SUPT3H: variants seen among roughly 807,000 people sequenced by gnomAD.
The protein encoded by SUPT3H is SPT3 homolog, SAGA and STAGA complex component, also known as transcription initiation protein SPT3 homolog.
A neutral mutation model predicts 44.3 loss-of-function variants in SUPT3H; 44 were observed. The observed-to-expected ratio is 0.99, with a 90% confidence interval of 0.78 to 1.28. SUPT3H has a LOEUF of 1.28. Ranked by LOEUF, SUPT3H falls within the 50% of genes most tolerant of loss-of-function variation. The pLI, the probability that SUPT3H is intolerant of heterozygous loss-of-function variation, is 0.00. For synonymous variants in SUPT3H, 124 were observed against 125.6 expected (o/e 0.99, Z 0.09); for missense variants, 380 against 387.1 (o/e 0.98, Z 0.15).
chr6:45,199,855 T>C (rs1008044820), intron 2 of SUPT3H, among the ~76,000 whole-genome samples: 1 of 151,508 alleles, frequency 6.6e-6, no homozygotes, highest in African/African-American at 2.4e-5. Flanking sequence ...TTTTCAAAGA[T>C]TAGTTAAACA....
intron 2 of SUPT3H, among the ~76,000 whole-genome samples, chr6:45,243,780 CA>C (rs1770830215): frequency 6.6e-6 from 1 of 152,196 alleles, no homozygotes; most frequent in Non-Finnish European, 1.5e-5. Context: ...TTCTGAATTA[CA>C]AAGAGCAGTT....
chr6:45,324,763 T>C (rs1314171089), intron 2 of SUPT3H, among the ~76,000 whole-genome samples: 1 of 152,010 alleles, frequency 6.6e-6, no homozygotes, highest in Non-Finnish European at 1.5e-5. Context: ...GAAATGGTGC[T>C]AGTTTGGGTT....
At chr6:44,958,641 T>C (rs1430777147) in intron 7 of SUPT3H, among the ~76,000 whole-genome samples, 3 of 152,058 alleles carry the variant, frequency 2.0e-5, no homozygotes, top group Non-Finnish European at 2.9e-5. Context: ...ACATACATAA[T>C]AAGTAGACTG....
intron 2 of SUPT3H, among the ~76,000 whole-genome samples, chr6:45,286,420 A>G (rs1779285091): frequency 6.6e-6 from 1 of 152,186 alleles, no homozygotes. Context: ...CCCCATCAAA[A>G]AGTGGGCAAA....
chr6:45,341,422 G>A (rs1789749687), intron 2 of SUPT3H, among the ~76,000 whole-genome samples: 2 of 152,208 alleles, frequency 1.3e-5, no homozygotes, highest in East Asian at 1.9e-4. Flanking sequence ...AACTTGATAG[G>A]TAATATTTTA....
At chr6:44,893,671 G>A (rs1234173288) in intron 10 of SUPT3H, among the ~76,000 whole-genome samples, 4 of 150,452 alleles carry the variant, frequency 2.7e-5, no homozygotes, top group East Asian at 1.9e-4. Context: ...GAATAATGCC[G>A]CAATAAACAT....
intron 1 of SUPT3H, among the ~76,000 whole-genome samples, chr6:45,367,031 A>G (rs1293440289): frequency 1.3e-5 from 2 of 152,210 alleles, no homozygotes; most frequent in East Asian, 3.8e-4. Context: ...GCTGAGATGG[A>G]AGGGCTGGGC....
At chr6:45,103,407 C>A (rs1284992) in intron 3 of SUPT3H, among the ~76,000 whole-genome samples, 97,497 of 151,906 alleles carry the variant, frequency 0.64, 32,011 homozygotes, top group African/African-American at 0.79. Flanking sequence ...TAATGTTCCA[C>A]CTTCTGTATT....
intron 10 of SUPT3H, among the ~76,000 whole-genome samples, chr6:44,893,066 A>G (rs999090914): frequency 3.8e-4 from 58 of 152,300 alleles, no homozygotes; most frequent in African/African-American, 1.3e-3. Flanking sequence ...ACACACACAC[A>G]TAATTTAAAT....
Position 45,294,733 on chromosome 6 carries a change from CAAAAAAAAAAAAAA to C in SUPT3H, c.101+70454_101+70467del, listed in dbSNP as rs56281990. 7.0e-3 allele frequency among the ~76,000 whole-genome samples: 253 copies of C among 36,208 alleles called. 1 individual carries two copies. The highest frequency in any genetic ancestry group is 0.03 in the African/African-American group (233 of 7,854). The allele number at this position is 36,208 out of a possible 152,430, so 23.8% of individuals were successfully genotyped here. A position where few individuals can be genotyped will look rare whatever the true frequency, so the allele number is the denominator to read the frequency against. On this transcript the variant is annotated intron_variant, in intron 2 of 10. Transcript: ENST00000371459. ...GAATCAACCCCTTTTACAATAGCTGCAAAAAAAAAAAAAAAAAAAAAAAAAAAAAACAACTTAGG... is the reference window on the plus strand; with the variant it reads ...GAATCAACCCCTTTTACAATAGCTGCAAAAAAAAAAAAAAAACAACTTAGG...
Position 45,059,565 on chromosome 6 carries a change from T to C in SUPT3H, c.187-38933A>G, listed in dbSNP as rs532802419. Among the ~76,000 whole-genome samples, 13 of 152,198 alleles carry C rather than the reference T, an allele frequency of 8.5e-5. No individual in the cohort carries two copies. In the South Asian group the frequency reaches 1.0e-3, roughly 12 times the overall value. ...CCTCTCTAATCACTCCTATTCAACATTGTATTGGAAGTTATGGTCAGGGCA... is the reference window on the plus strand; with the variant it reads ...CCTCTCTAATCACTCCTATTCAACACTGTATTGGAAGTTATGGTCAGGGCA... On this transcript the variant is annotated intron_variant, in intron 3 of 10. Coordinates refer to ENST00000371459, the MANE Select transcript of SUPT3H (RefSeq NM_003599.4).
chr6:44,908,553 A>T (rs1293836932), intron 10 of SUPT3H, among the ~76,000 whole-genome samples: 1 of 152,080 alleles, frequency 6.6e-6, no homozygotes, highest in Non-Finnish European at 1.5e-5. Flanking sequence ...GGCTGCCAAA[A>T]ATTTGCTATT....
intron 2 of SUPT3H, among the ~76,000 whole-genome samples, chr6:45,195,523 A>G (rs777209683): frequency 1.3e-5 from 2 of 152,150 alleles, no homozygotes; most frequent in Non-Finnish European, 2.9e-5. Flanking sequence ...AGATGTAACA[A>G]ACTTTTAGAA....
chr6:45,143,992 C>T (rs182283015), intron 2 of SUPT3H, among the ~76,000 whole-genome samples: 1 of 151,982 alleles, frequency 6.6e-6, no homozygotes, highest in African/African-American at 2.4e-5. Context: ...CAGATTGAAT[C>T]AGGAAGAAAC....
intron 10 of SUPT3H, among the ~76,000 whole-genome samples, chr6:44,895,168 AT>A: frequency 6.6e-6 from 1 of 152,100 alleles, no homozygotes; most frequent in East Asian, 1.9e-4. Context: ...TCTTTTTCAT[AT>A]TAAAGTCAGA....
At chr6:45,362,824 T>C (rs1419293351) in intron 2 of SUPT3H, among the ~76,000 whole-genome samples, 3 of 149,378 alleles carry the variant, frequency 2.0e-5, no homozygotes, top group Admixed American at 6.6e-5. Context: ...GTGCTGAATT[T>C]AGCCTTTATT....
At chr6:45,108,179 G>C (rs1799536532) in intron 2 of SUPT3H, among the ~76,000 whole-genome samples, 1 of 152,102 alleles carries the variant, frequency 6.6e-6, no homozygotes, top group Non-Finnish European at 1.5e-5. Context: ...AATTAGGTAA[G>C]AAAAAGAAAT....
intron 2 of SUPT3H, chr6:45,251,214 T>C (rs1386086217): frequency 6.6e-6 from 1 of 152,198 alleles, no homozygotes; most frequent in East Asian, 1.9e-4. Context: ...TCAAATAATA[T>C]GAAGTTTATA....
chr6:44,857,639 G>A (rs772645734), intron 10 of SUPT3H, among the ~76,000 whole-genome samples: 3 of 152,066 alleles, frequency 2.0e-5, no homozygotes, highest in Admixed American at 6.6e-5. Context: ...TTCTATTCTG[G>A]AGGCCCAGTT....
Sources: allele counts gnomAD v4.1 joint callset (sites outside exome capture counted in the v4.1 genomes callset), GRCh38; gene constraint gnomAD v4.1.1; transcripts MANE v1.5; gene names NCBI Gene and HGNC (gene_info 2026-07-23, HGNC 2026-07-21).